DAB1: variants seen among roughly 807,000 people sequenced by gnomAD.
The protein encoded by DAB1 is DAB adaptor protein 1, also known as disabled homolog 1.
In DAB1, 15 loss-of-function variants were observed where a neutral mutation model predicts 64.6. That is an observed-to-expected ratio of 0.23 (90% CI 0.16 to 0.36). The LOEUF (loss-of-function observed/expected upper bound fraction) is 0.36. Ranked by LOEUF, DAB1 falls within the 10% of genes least tolerant of loss-of-function variation. The probability of loss-of-function intolerance (pLI) is 1.00; values close to 1 mark genes in which losing one functional copy is unlikely to be tolerated. For synonymous variants in DAB1, 235 were observed against 251.9 expected (o/e 0.93, Z 0.64); for missense variants, 596 against 706.7 (o/e 0.84, Z 1.78).
At chr1:57,927,578 A>C (rs905577682) in intron 5 of DAB1, among the ~76,000 whole-genome samples, 11 of 152,180 alleles carry the variant, frequency 7.2e-5, no homozygotes, top group African/African-American at 2.4e-4. Context: ...TCAGTGGCAA[A>C]AGCTTATCTA....
Position 57,808,062 on chromosome 1 carries a change from T to C in DAB1, n.551+75937A>G, listed in dbSNP as rs142891825. On this transcript the variant is annotated intron_variant and non_coding_transcript_variant, in intron 6 of 20. Transcript: ENST00000485760. ...AGTTTTGGGGGAGTCAAAAGATATA[T>C]GTTGTTTTTCAACTATGTGGTGACC... 1.5e-3 allele frequency among the ~76,000 whole-genome samples: 230 copies of C among 152,270 alleles called. 1 individual carries two copies. The highest frequency in any genetic ancestry group is 0.012 in the Admixed American group (184 of 15,280).
At chr1:57,181,302 C>T (rs138333638) in intron 2 of DAB1, among the ~76,000 whole-genome samples, 7 of 152,264 alleles carry the variant, frequency 4.6e-5, no homozygotes, top group South Asian at 2.1e-4. Flanking sequence ...AGTGAGGCCT[C>T]GGACTTGACG....
chr1:57,453,087 G>A, intron 7 of DAB1, among the ~76,000 whole-genome samples: 1 of 152,110 alleles, frequency 6.6e-6, no homozygotes, highest in Admixed American at 6.6e-5. Context: ...TGGGAAAGGG[G>A]TAGAAAGAAG....
At chr1:58,091,152 G>A (rs1650634907) in intron 5 of DAB1, among the ~76,000 whole-genome samples, 1 of 152,168 alleles carries the variant, frequency 6.6e-6, no homozygotes, top group African/African-American at 2.4e-5. Flanking sequence ...AATTCGGAGT[G>A]GGAGAGGAGG....
chr1:58,034,505 A>C (rs1196608974), intron 5 of DAB1, among the ~76,000 whole-genome samples: 1 of 152,256 alleles, frequency 6.6e-6, no homozygotes, highest in Non-Finnish European at 1.5e-5. Context: ...TTTTGGGGTA[A>C]CTTGCTGTGC....
chr1:58,512,720 T>C (rs571643498), intron 2 of DAB1, among the ~76,000 whole-genome samples: 252 of 152,240 alleles, frequency 1.7e-3, no homozygotes, highest in Non-Finnish European at 2.7e-3. Flanking sequence ...AAGTAGAGAA[T>C]AGAATAGTGT....
intron 4 of DAB1, among the ~76,000 whole-genome samples, chr1:57,079,823 G>A (rs898048498): frequency 6.6e-6 from 1 of 152,110 alleles, no homozygotes; most frequent in Non-Finnish European, 1.5e-5. Flanking sequence ...AAGTTTCCCT[G>A]ACCTTCCAGC....
At chr1:58,499,331 A>AG (rs1354788387) in intron 3 of DAB1, among the ~76,000 whole-genome samples, 2 of 151,128 alleles carry the variant, frequency 1.3e-5, no homozygotes, top group Non-Finnish European at 3.0e-5. Flanking sequence ...AAAAAAAAAA[A>AG]AAAAAAGGCC....
chr1:57,050,677 A>G (rs1050857862), intron 9 of DAB1, among the ~76,000 whole-genome samples: 1 of 152,120 alleles, frequency 6.6e-6, no homozygotes, highest in African/African-American at 2.4e-5. Flanking sequence ...CTGCTCCCAC[A>G]CTATGCTCTC....
intron 5 of DAB1, among the ~76,000 whole-genome samples, chr1:58,027,220 G>A (rs1646907615): frequency 6.6e-6 from 1 of 152,132 alleles, no homozygotes; most frequent in South Asian, 2.1e-4. Context: ...TTTTATAAAA[G>A]CAAAGTGGAT....
intron 3 of DAB1, among the ~76,000 whole-genome samples, chr1:58,493,754 A>C (rs1458211255): frequency 1.8e-4 from 27 of 152,106 alleles, no homozygotes; most frequent in East Asian, 5.8e-4. Context: ...ACCACTGCTC[A>C]AGGAAATAAA....
intron 3 of DAB1, among the ~76,000 whole-genome samples, chr1:58,377,292 T>C (rs1236264913): frequency 2.7e-5 from 4 of 145,816 alleles, no homozygotes; most frequent in African/African-American, 5.1e-5. Flanking sequence ...CTTTACATTT[T>C]GGCATGATTT....
chr1:57,710,904 C>T (rs1332873812), intron 6 of DAB1, among the ~76,000 whole-genome samples: 2 of 152,120 alleles, frequency 1.3e-5, no homozygotes, highest in African/African-American at 2.4e-5. Flanking sequence ...TGTGGGGCCA[C>T]AGGACAGGTC....
intron 6 of DAB1, among the ~76,000 whole-genome samples, chr1:57,769,559 C>A (rs529611628): frequency 6.6e-6 from 1 of 152,160 alleles, no homozygotes; most frequent in Non-Finnish European, 1.5e-5. Context: ...GAACACAAAC[C>A]GATCCCCACT....
At chr1:57,013,859 A>G (rs1452797544) in intron 12 of DAB1, among the ~76,000 whole-genome samples, 1 of 152,190 alleles carries the variant, frequency 6.6e-6, no homozygotes, top group Non-Finnish European at 1.5e-5. Context: ...ATGTTTGCAG[A>G]AGAAATATGA....
intron 6 of DAB1, among the ~76,000 whole-genome samples, chr1:57,816,087 G>T (rs775326156): frequency 1.3e-5 from 2 of 152,214 alleles, no homozygotes; most frequent in Non-Finnish European, 2.9e-5. Context: ...TAAAGTGAGA[G>T]TACTGAGCTC....
chr1:58,269,651 T>C (rs1661266495), intron 4 of DAB1, among the ~76,000 whole-genome samples: 1 of 37,556 alleles, frequency 2.7e-5, no homozygotes, highest in African/African-American at 8.6e-5. Flanking sequence ...AGTGTAAAAG[T>C]GTTCCTATTT....
chr1:57,702,403 T>A (rs1022624257), intron 6 of DAB1, among the ~76,000 whole-genome samples: 2 of 152,194 alleles, frequency 1.3e-5, no homozygotes, highest in African/African-American at 4.8e-5. Context: ...TATCATTTTA[T>A]ATTTTAAGGC....
intron 5 of DAB1, among the ~76,000 whole-genome samples, chr1:57,917,135 C>G (rs1390353909): frequency 6.6e-6 from 1 of 152,158 alleles, no homozygotes; most frequent in East Asian, 1.9e-4. Context: ...ACACTTTCTC[C>G]TAAATGTGCC....
Sources: gnomAD v4.1 joint callset for allele counts (sites outside exome capture counted in the v4.1 genomes callset) on GRCh38, gnomAD v4.1.1 for gene constraint, MANE v1.5 for transcripts, NCBI Gene and HGNC (gene_info 2026-07-23, HGNC 2026-07-21) for gene names.